The following VWA8 variants were observed in gnomAD, a reference collection of about 807,000 sequenced individuals.
VWA8 encodes von Willebrand factor A domain containing 8.
VWA8 carries 221 observed loss-of-function variants against 241.5 expected under a neutral mutation model. The ratio of observed to expected loss-of-function variants is 0.91; its 90% CI spans 0.82 to 1.02. VWA8 has a LOEUF of 1.02. VWA8 is among the 50% of genes least tolerant of loss of function. The pLI is 0.00. For synonymous variants in VWA8, 852 were observed against 827.1 expected (o/e 1.03, Z -0.52); for missense variants, 2,322 against 2,328.7 (o/e 1.00, Z 0.06).
intron 12 of VWA8, among the ~76,000 whole-genome samples, chr13:41,860,210 T>C (rs1291961870): frequency 6.6e-6 from 1 of 152,206 alleles, no homozygotes; most frequent in Non-Finnish European, 1.5e-5. Context: ...AGGAAACTCT[T>C]TTCTCTAAAA....
At chr13:41,922,089 T>A (rs144585887) in intron 2 of VWA8, among the ~76,000 whole-genome samples, 1 of 152,098 alleles carries the variant, frequency 6.6e-6, no homozygotes, top group African/African-American at 2.4e-5. Flanking sequence ...AACAGAGATA[T>A]AGATCAATGG....
chr13:41,909,101 G>A (rs1314310112), intron 3 of VWA8, among the ~76,000 whole-genome samples: 2 of 148,048 alleles, frequency 1.4e-5, no homozygotes, highest in African/African-American at 5.0e-5. Context: ...CACCCAGGCT[G>A]TTGTACAGTG....
chr13:41,778,894 T>C (rs964048282), intron 19 of VWA8, among the ~76,000 whole-genome samples: 1 of 131,960 alleles, frequency 7.6e-6, no homozygotes, highest in Non-Finnish European at 1.5e-5. Context: ...CAGGCTGGAG[T>C]GCAGTGGCGC....
At chr13:41,724,377 T>C (rs1383972322) in intron 24 of VWA8, among the ~76,000 whole-genome samples, 1 of 152,078 alleles carries the variant, frequency 6.6e-6, no homozygotes, top group African/African-American at 2.4e-5. Context: ...GGTTTGTGTG[T>C]GTGTGTGTTT....
chr13:41,819,272 G>T lies in VWA8; in HGVS notation c.1815C>A (p.Phe605Leu). The change falls in exon 15 of 45, where the codon TTC becomes TTA. Residue 605 changes from phenylalanine to leucine, a missense_variant. By Grantham distance (22) the Phe-to-Leu change is conservative. Transcript: ENST00000379310. ...TTTTCACAAGTGGTTTCATGTAATG[G>T]AAAAAGAACATGGTTAAGAATTCTG... ...LGPEFLTMFF[F>L]HYMKPLVKSE... The T allele has an allele frequency of 6.2e-7, 1 of 1,612,760 alleles. No homozygotes were observed. Among genetic ancestry groups the T allele is most frequent in the Admixed American group, 1.7e-5 (1 of 59,642 alleles).
rs774750937 is a variant in VWA8, at chr13:41,719,574, T to C, written c.3116+17A>G. On this transcript the variant is annotated intron_variant, in intron 26 of 44. Transcript: ENST00000379310. ...TATCAGCATTTAAGAATCAGAAGAG[T>C]ACTGAATTTGCCTTACTCCTTTGCC... 1 of 1,612,174 alleles carries C rather than the reference T, an allele frequency of 6.2e-7. No individual in the cohort carries two copies. Among genetic ancestry groups the C allele is most frequent in the Non-Finnish European group, 8.5e-7 (1 of 1,178,916 alleles).
intron 2 of VWA8, 103 bp downstream of exon 2, chr13:41,949,833 A>T (rs1203826813): frequency 1.7e-6 from 1 of 577,520 alleles, no homozygotes. Flanking sequence ...GGATGATAAA[A>T]TCATTAGGTT....
chr13:41,870,407 G>C (rs1873536005), intron 9 of VWA8, among the ~76,000 whole-genome samples: 1 of 152,186 alleles, frequency 6.6e-6, no homozygotes, highest in Non-Finnish European at 1.5e-5. Context: ...GGGAGGCAGA[G>C]ATGGGTGGAT....
intron 4 of VWA8, among the ~76,000 whole-genome samples, chr13:41,899,394 G>A (rs1473698467): frequency 1.3e-5 from 2 of 152,082 alleles, no homozygotes; most frequent in Non-Finnish European, 2.9e-5. Flanking sequence ...AAAATGAATC[G>A]CCCAAGATTT....
At chr13:41,806,021 A>G in intron 17 of VWA8, among the ~76,000 whole-genome samples, 1 of 151,664 alleles carries the variant, frequency 6.6e-6, no homozygotes, top group South Asian at 2.1e-4. Context: ...AAAAAAAGAA[A>G]TGATGTCAAG....
At chr13:41,782,875 A>G (rs886244351) in intron 19 of VWA8, among the ~76,000 whole-genome samples, 1 of 151,852 alleles carries the variant, frequency 6.6e-6, no homozygotes, top group Non-Finnish European at 1.5e-5. Flanking sequence ...CATCTACAAT[A>G]AAGCTTTCTA....
intron 21 of VWA8, among the ~76,000 whole-genome samples, chr13:41,748,421 A>AT (rs1271931701): frequency 3.9e-5 from 6 of 152,022 alleles, no homozygotes; most frequent in African/African-American, 1.5e-4. Context: ...GGTAGTTTGC[A>AT]TTTCTGTGGG....
chr13:41,857,137 CAT>C (rs1216306072), intron 12 of VWA8, among the ~76,000 whole-genome samples: 1 of 152,000 alleles, frequency 6.6e-6, no homozygotes, highest in African/African-American at 2.4e-5. Context: ...GGCACTTTGA[CAT>C]AAAAATAAAG....
At chr13:41,769,315 A>T (rs1377304768) in intron 20 of VWA8, among the ~76,000 whole-genome samples, 1 of 152,202 alleles carries the variant, frequency 6.6e-6, no homozygotes, top group African/African-American at 2.4e-5. Flanking sequence ...GTCACATTAG[A>T]GCTAAATGGT....
intron 37 of VWA8, among the ~76,000 whole-genome samples, chr13:41,664,235 C>A (rs2044971545): frequency 6.6e-6 from 1 of 152,022 alleles, no homozygotes; most frequent in African/African-American, 2.4e-5. Flanking sequence ...CTTTGATTTT[C>A]TCTTTAGTTT....
chr13:41,847,613 A>G (rs1163334117), intron 12 of VWA8, among the ~76,000 whole-genome samples: 1 of 152,184 alleles, frequency 6.6e-6, no homozygotes, highest in Non-Finnish European at 1.5e-5. Context: ...ATTGAAAAAT[A>G]CTGGTCCCAC....
intron 12 of VWA8, among the ~76,000 whole-genome samples, chr13:41,853,820 T>C (rs1713766451): frequency 1.3e-5 from 2 of 152,212 alleles, no homozygotes; most frequent in Non-Finnish European, 2.9e-5. Flanking sequence ...ATCTTTTCTG[T>C]GGTTTTTCTG....
chr13:41,897,469 C>T (rs977387543), intron 4 of VWA8, among the ~76,000 whole-genome samples: 3 of 142,632 alleles, frequency 2.1e-5, no homozygotes, highest in Admixed American at 7.2e-5. Context: ...TAAATTAGTA[C>T]AGCCATTATA....
At chr13:41,863,213 G>A (rs1273121846) in intron 12 of VWA8, among the ~76,000 whole-genome samples, 3 of 148,330 alleles carry the variant, frequency 2.0e-5, no homozygotes, top group South Asian at 2.1e-4. Flanking sequence ...CATCTTTCTC[G>A]CGTGCTGGAT....
Sources: allele counts gnomAD v4.1 joint callset (sites outside exome capture counted in the v4.1 genomes callset), GRCh38; gene constraint gnomAD v4.1.1; transcripts MANE v1.5; gene names NCBI Gene and HGNC (gene_info 2026-07-23, HGNC 2026-07-21).